ARB2A: variants seen among roughly 807,000 people sequenced by gnomAD.
The protein encoded by ARB2A is cotranscriptional regulator ARB2A.
the ARB2A span, among the ~76,000 whole-genome samples, chr5:94,032,795 AG>A: frequency 6.6e-6 from 1 of 152,156 alleles, no homozygotes; most frequent in African/African-American, 2.4e-5. Flanking sequence ...CCTGTCCTGT[AG>A]GTTTCAGACT....
chr5:93,687,776 T>C, the ARB2A span, among the ~76,000 whole-genome samples: 3 of 152,150 alleles, frequency 2.0e-5, no homozygotes, highest in African/African-American at 4.8e-5. Flanking sequence ...TTTAATTTCA[T>C]CACTTGAATT....
the ARB2A span, among the ~76,000 whole-genome samples, chr5:93,880,835 A>G: frequency 6.6e-6 from 1 of 151,720 alleles, no homozygotes; most frequent in African/African-American, 2.4e-5. Flanking sequence ...GGGTAGGACA[A>G]GAGAAAAGGA....
the ARB2A span, among the ~76,000 whole-genome samples, chr5:93,795,145 G>A: frequency 6.6e-6 from 1 of 152,028 alleles, no homozygotes; most frequent in Non-Finnish European, 1.5e-5. Flanking sequence ...TGGGGGGTGG[G>A]GCTGTGTTTA....
the ARB2A span, among the ~76,000 whole-genome samples, chr5:93,857,201 T>C: frequency 2.0e-5 from 3 of 152,144 alleles, no homozygotes; most frequent in Non-Finnish European, 4.4e-5. Flanking sequence ...TACTGGGTGG[T>C]GCCTCCCAGT....
chr5:93,972,065 T>C, the ARB2A span, among the ~76,000 whole-genome samples: 120 of 152,272 alleles, frequency 7.9e-4, no homozygotes, highest in African/African-American at 2.3e-3. Flanking sequence ...GCAAAGGCTT[T>C]TCCCACCAGG....
the ARB2A span, among the ~76,000 whole-genome samples, chr5:93,771,337 A>G: frequency 6.6e-6 from 1 of 151,816 alleles, no homozygotes; most frequent in Non-Finnish European, 1.5e-5. Context: ...CGTTAGACCT[A>G]AAACCATAAA....
the ARB2A span, among the ~76,000 whole-genome samples, chr5:94,060,191 T>A: frequency 0.94 from 142,331 of 152,202 alleles, 66,657 homozygotes; most frequent in East Asian, 1. Context: ...CGTCTCTACT[T>A]AAAATACAAA....
chr5:93,904,864 C>T, the ARB2A span, among the ~76,000 whole-genome samples: 2 of 151,654 alleles, frequency 1.3e-5, no homozygotes, highest in Non-Finnish European at 3.0e-5. Context: ...TAAATTATTA[C>T]ACCCTTGACA....
the ARB2A span, among the ~76,000 whole-genome samples, chr5:93,827,116 T>G: frequency 1.3e-5 from 2 of 152,124 alleles, no homozygotes; most frequent in Non-Finnish European, 1.5e-5. Context: ...TCCCCAGTAA[T>G]GGGATGGCTG....
chr5:93,797,265 A>G, the ARB2A span, among the ~76,000 whole-genome samples: 3 of 152,138 alleles, frequency 2.0e-5, no homozygotes, highest in Non-Finnish European at 1.5e-5. Flanking sequence ...AGGCTACTTT[A>G]AAAAATTCCA....
the ARB2A span, among the ~76,000 whole-genome samples, chr5:93,650,606 A>G: frequency 1.3e-5 from 2 of 152,174 alleles, no homozygotes; most frequent in Non-Finnish European, 2.9e-5. Context: ...AAATATTTGA[A>G]GAAATTATAC....
At chr5:93,777,830 C>T in the ARB2A span, among the ~76,000 whole-genome samples, 5 of 152,042 alleles carry the variant, frequency 3.3e-5, no homozygotes, top group African/African-American at 7.2e-5. Flanking sequence ...TTCAAAGGCC[C>T]CAGTCCTCAC....
At chr5:93,686,065 C>T in the ARB2A span, among the ~76,000 whole-genome samples, 2 of 152,160 alleles carry the variant, frequency 1.3e-5, no homozygotes, top group Non-Finnish European at 2.9e-5. Context: ...GCTGCTATCA[C>T]ATATTAAAAA....
the ARB2A span, among the ~76,000 whole-genome samples, chr5:94,055,338 T>G: frequency 2.0e-5 from 3 of 152,142 alleles, no homozygotes; most frequent in Non-Finnish European, 4.4e-5. Flanking sequence ...AAATAACACT[T>G]TATTTCCGTC....
the ARB2A span, among the ~76,000 whole-genome samples, chr5:93,896,827 C>T: frequency 6.6e-6 from 1 of 152,062 alleles, no homozygotes; most frequent in East Asian, 1.9e-4. Flanking sequence ...GCAACTACTG[C>T]GACATATGCT....
At chr5:93,640,634 G>GTGTGTA in the ARB2A span, among the ~76,000 whole-genome samples, 13 of 149,172 alleles carry the variant, frequency 8.7e-5, no homozygotes, top group South Asian at 2.1e-3. Flanking sequence ...ATATGTGTGT[G>GTGTGTA]TATATATATA....
chr5:94,103,710 C>G, the ARB2A span, among the ~76,000 whole-genome samples: 1 of 149,642 alleles, frequency 6.7e-6, no homozygotes, highest in Non-Finnish European at 1.5e-5. Flanking sequence ...TCAACTACAA[C>G]AGAATATACA....
At chr5:94,053,087 A>AGATAGAT in the ARB2A span, 3 of 1,090,412 alleles carry the variant, frequency 2.8e-6, no homozygotes, top group Non-Finnish European at 2.7e-6. Flanking sequence ...ATAGATAGAT[A>AGATAGAT]GATAGATAGA....
At chr5:93,682,413 G>GT in the ARB2A span, among the ~76,000 whole-genome samples, 4 of 151,102 alleles carry the variant, frequency 2.6e-5, no homozygotes, top group Non-Finnish European at 5.9e-5. Flanking sequence ...AAAAGTCCCA[G>GT]TTTTTAGATA....
Sources: gnomAD v4.1 joint callset for allele counts (sites outside exome capture counted in the v4.1 genomes callset) on GRCh38, gnomAD v4.1.1 for gene constraint, MANE v1.5 for transcripts, NCBI Gene and HGNC (gene_info 2026-07-23, HGNC 2026-07-21) for gene names.